PACRG: variants seen among roughly 807,000 people sequenced by gnomAD.
PACRG encodes the protein parkin coregulated.
PACRG carries 29 observed loss-of-function variants against 29.7 expected under a neutral mutation model. The ratio of observed to expected loss-of-function variants is 0.98; its 90% confidence interval spans 0.73 to 1.33. The LOEUF is 1.33. PACRG is among the 40% of genes most tolerant of loss of function. The pLI is 0.00. For missense variants in PACRG, 279 were observed against 316.2 expected, an observed-to-expected ratio of 0.88 and a Z score of 0.89; for synonymous variants, 116 against 118.7, an observed-to-expected ratio of 0.98 and a Z score of 0.15.
intron 2 of PACRG, among the ~76,000 whole-genome samples, chr6:162,855,276 A>T (rs757114247): frequency 2.0e-5 from 3 of 152,224 alleles, no homozygotes; most frequent in Non-Finnish European, 4.4e-5. Context: ...AGAACACAGT[A>T]CATGATGATC....
chr6:162,742,370 C>T (rs1182989524), intron 1 of PACRG, among the ~76,000 whole-genome samples: 1 of 152,124 alleles, frequency 6.6e-6, no homozygotes, highest in Non-Finnish European at 1.5e-5. Context: ...ACATACCTTT[C>T]GCCTTCCACC....
At chr6:163,201,813 G>A (rs557811407) in intron 4 of PACRG, among the ~76,000 whole-genome samples, 43 of 152,312 alleles carry the variant, frequency 2.8e-4, no homozygotes, top group Non-Finnish European at 5.3e-4. Flanking sequence ...AGGTGACCTC[G>A]AGGGCCATTG....
chr6:162,928,953 C>T (rs80102798), intron 2 of PACRG, among the ~76,000 whole-genome samples: 1,675 of 152,042 alleles, frequency 0.011, 26 homozygotes, highest in East Asian at 0.053. Context: ...GGATTTCATC[C>T]TTTTTTATGC....
intron 4 of PACRG, among the ~76,000 whole-genome samples, chr6:163,239,971 G>A (rs1451471542): frequency 7.1e-5 from 7 of 98,400 alleles, no homozygotes; most frequent in East Asian, 2.8e-4. Context: ...CACTCCCATC[G>A]TCACATACAC....
At chr6:163,269,209 G>A (rs1783645117) in intron 4 of PACRG, among the ~76,000 whole-genome samples, 1 of 152,164 alleles carries the variant, frequency 6.6e-6, no homozygotes, top group South Asian at 2.1e-4. Flanking sequence ...CACGTTGTTG[G>A]TTTTGCCCAT....
At chr6:163,091,748 G>A (rs1047315058) in intron 4 of PACRG, among the ~76,000 whole-genome samples, 2 of 152,026 alleles carry the variant, frequency 1.3e-5, no homozygotes, top group Non-Finnish European at 2.9e-5. Context: ...AAAGCTTATC[G>A]CAGGATTTTC....
intron 2 of PACRG, among the ~76,000 whole-genome samples, chr6:162,848,794 A>G (rs1363592601): frequency 6.6e-6 from 1 of 152,272 alleles, no homozygotes; most frequent in Non-Finnish European, 1.5e-5. Context: ...TATGCCAGGC[A>G]CTGGCCTAGA....
At chr6:163,008,535 G>A (rs892163500) in intron 2 of PACRG, among the ~76,000 whole-genome samples, 15 of 151,392 alleles carry the variant, frequency 9.9e-5, no homozygotes, top group Non-Finnish European at 2.1e-4. Context: ...GAGGCCCACA[G>A]AGTAATCATT....
At chr6:163,019,948 G>A (rs1806456318) in intron 2 of PACRG, among the ~76,000 whole-genome samples, 1 of 152,172 alleles carries the variant, frequency 6.6e-6, no homozygotes, top group Non-Finnish European at 1.5e-5. Flanking sequence ...ATAAATGAAA[G>A]CTCAGCCTCT....
chr6:162,826,466 C>CTTTTTTT (rs576332156), intron 2 of PACRG, among the ~76,000 whole-genome samples: 10 of 138,688 alleles, frequency 7.2e-5, no homozygotes, highest in Non-Finnish European at 1.1e-4. Context: ...TTTCTTTTTT[C>CTTTTTTT]TTTTTTTTTT....
chr6:163,156,684 T>C (rs926264912), intron 4 of PACRG, among the ~76,000 whole-genome samples: 20 of 152,202 alleles, frequency 1.3e-4, no homozygotes, highest in Admixed American at 1.1e-3. Flanking sequence ...GAAGTCCACA[T>C]AGGTCATACA....
intron 2 of PACRG, among the ~76,000 whole-genome samples, chr6:163,035,730 A>C (rs1233253935): frequency 6.8e-6 from 1 of 148,114 alleles, no homozygotes; most frequent in African/African-American, 2.5e-5. Context: ...AGGCAGGAGA[A>C]TCACTTGAAC....
chr6:162,977,698 A>G (rs1045813984), intron 2 of PACRG, among the ~76,000 whole-genome samples: 1 of 152,214 alleles, frequency 6.6e-6, no homozygotes, highest in Non-Finnish European at 1.5e-5. Context: ...GGGGATACTC[A>G]GTTATACTGC....
intron 2 of PACRG, chr6:162,957,327 T>G: frequency 1.7e-6 from 1 of 595,052 alleles, no homozygotes; most frequent in Non-Finnish European, 3.1e-6. Context: ...CCTGAACACA[T>G]TTAGCACTCA....
chr6:163,122,443 C>A (rs1355290640), intron 4 of PACRG, among the ~76,000 whole-genome samples: 1 of 152,194 alleles, frequency 6.6e-6, no homozygotes, highest in Non-Finnish European at 1.5e-5. Flanking sequence ...GTGGTACAGG[C>A]AGATCCCTCG....
At chr6:162,891,818 G>A (rs553217461) in intron 2 of PACRG, among the ~76,000 whole-genome samples, 2 of 152,268 alleles carry the variant, frequency 1.3e-5, no homozygotes, top group South Asian at 4.1e-4. Flanking sequence ...CAACTGGAAT[G>A]AGCTGCTGAT....
At chr6:162,898,512 A>C (rs991173654) in intron 2 of PACRG, among the ~76,000 whole-genome samples, 3 of 152,222 alleles carry the variant, frequency 2.0e-5, no homozygotes, top group African/African-American at 7.2e-5. Context: ...ACACAATGGA[A>C]GTGCTGTGGT....
intron 2 of PACRG, among the ~76,000 whole-genome samples, chr6:163,034,564 T>C (rs1361406698): frequency 6.6e-6 from 1 of 152,142 alleles, no homozygotes; most frequent in Non-Finnish European, 1.5e-5. Context: ...CTCCCCTAAG[T>C]TGGGCCTCTA....
intron 2 of PACRG, among the ~76,000 whole-genome samples, chr6:162,996,490 G>A (rs1397276898): frequency 1.3e-5 from 2 of 152,062 alleles, no homozygotes; most frequent in African/African-American, 4.8e-5. Flanking sequence ...AGATGCTCTA[G>A]GTTAGAGCTA....
Sources: gnomAD v4.1 joint callset for allele counts (sites outside exome capture counted in the v4.1 genomes callset) on GRCh38, gnomAD v4.1.1 for gene constraint, MANE v1.5 for transcripts, NCBI Gene and HGNC (gene_info 2026-07-23, HGNC 2026-07-21) for gene names.